Variants in CLDN1 observed in about 807,000 individuals in gnomAD.
CLDN1 encodes claudin 1, also known as claudin-1.
CLDN1 carries 12 observed loss-of-function variants against 22.6 expected under a neutral mutation model. That is an observed-to-expected ratio of 0.53 (90% confidence interval 0.34 to 0.86). The LOEUF is 0.86. CLDN1 is among the 40% of genes least tolerant of loss of function. The pLI is 0.02. For missense variants in CLDN1, 250 were observed against 269.5 expected (o/e 0.93, Z 0.51); for synonymous variants, 99 against 103.8 (o/e 0.95, Z 0.28).
chr3:190,313,020 G>C lies in CLDN1; in HGVS notation c.240C>G (p.Thr80=), dbSNP rs1481803785. 1 of 1,613,982 alleles carries C rather than the reference G, an allele frequency of 6.2e-7. No homozygotes were observed. The highest frequency in any genetic ancestry group is 8.5e-7 in the Non-Finnish European group (1 of 1,180,016). Residue 80 remains threonine (T), a synonymous_variant, in exon 2 of 4, where the codon ACC becomes ACG. Transcript: ENST00000295522. ...LLNLSSTLQA[T]RALMVVGILL... is the part of the protein sequence containing the mutation. ...GGATGCCAACCACCATCAAGGCACG[G>C]GTTGCTTGCAATGTGCCTGGCAGAA...
chr3:190,312,090 C>A (rs1475252234), intron 2 of CLDN1, among the ~76,000 whole-genome samples: 2 of 151,590 alleles, frequency 1.3e-5, no homozygotes, highest in African/African-American at 2.4e-5. Flanking sequence ...ACCACCACAC[C>A]CAGCTAATTT....
At chr3:190,319,593 G>A (rs373731785) in intron 1 of CLDN1, among the ~76,000 whole-genome samples, 11 of 152,072 alleles carry the variant, frequency 7.2e-5, no homozygotes, top group African/African-American at 2.2e-4. Context: ...AATACTTCCC[G>A]TGCTAAAGCC....
rs912977616 is a variant in CLDN1, at chr3:190,306,240, A to G, written c.*2037T>C. 1 of 152,162 alleles carries G rather than the reference A, an allele frequency of 6.6e-6. No individual in the cohort carries two copies. The highest frequency in any genetic ancestry group is 6.6e-5 in the Admixed American group (1 of 15,266). 9.4% of individuals were successfully genotyped at this position (152,162 alleles called of 1,614,324 possible). The stretch of plus-strand genomic sequence containing the variant: ...AACACGTAGGCTTTTATTTCTTCCC[A>G]TTACATCTGTTTAGCCACAGAAAGC... On this transcript the variant is annotated 3_prime_UTR_variant, in exon 4 of 4. Transcript: ENST00000295522.
chr3:190,310,037 TAA>T, intron 3 of CLDN1, 130 bp downstream of exon 3: 1 of 751,614 alleles, frequency 1.3e-6, no homozygotes, highest in Non-Finnish European at 2.3e-6. Context: ...AGAGATCATT[TAA>T]ATTGTTTGTA....
intron 3 of CLDN1, among the ~76,000 whole-genome samples, chr3:190,308,676 T>G (rs1716528092): frequency 6.6e-6 from 1 of 152,174 alleles, no homozygotes; most frequent in African/African-American, 2.4e-5. Context: ...CCAGGTTAAT[T>G]ACACAAATAA....
chr3:190,315,396 A>T (rs112253426), intron 1 of CLDN1, among the ~76,000 whole-genome samples: 151 of 152,266 alleles, frequency 9.9e-4, no homozygotes, highest in African/African-American at 3.3e-3. Context: ...GTGCAAAGTA[A>T]AACGAAGTTT....
At chr3:190,313,837 T>C (rs1716691918) in intron 1 of CLDN1, among the ~76,000 whole-genome samples, 1 of 152,182 alleles carries the variant, frequency 6.6e-6, no homozygotes, top group African/African-American at 2.4e-5. Context: ...CATGATCAAA[T>C]AAACAGGGTC....
At chr3:190,321,182 T>G (rs79345408) in intron 1 of CLDN1, among the ~76,000 whole-genome samples, 19,756 of 152,216 alleles carry the variant, frequency 0.13, 1,397 homozygotes, top group Middle Eastern at 0.22. Flanking sequence ...CTATGACTAT[T>G]TTGCTGCATT....
In CLDN1 at chr3:190,308,370, T is replaced by C; in HGVS notation, c.543A>G (p.Leu181=). The C allele has an allele frequency of 6.2e-7, 1 of 1,613,780 alleles. No homozygotes were observed. Among genetic ancestry groups the C allele is most frequent in the Non-Finnish European group, 8.5e-7 (1 of 1,179,870 alleles). Residue 181 remains leucine (L), a synonymous_variant, in exon 4 of 4, where the codon CTA becomes CTG. Coordinates refer to ENST00000295522, the MANE Select transcript of CLDN1 (RefSeq NM_021101.5). The stretch of plus-strand genomic sequence containing the variant: ...TTTTTCGGGGACAGGAACAGCAAAG[T>C]AGGGCACCTCCCAGAAGGCAGAGAG... ...AASLCLLGGA[L]LCCSCPRKTT...
chr3:190,313,094 G>T (rs1461403409), intron 1 of CLDN1, 58 bp from the exon 2 acceptor site: 2 of 1,590,384 alleles, frequency 1.3e-6, no homozygotes, highest in Non-Finnish European at 1.7e-6. Context: ...AGAGAAAAAT[G>T]GAAGAAGACC....
At position 190,322,002 on chromosome 3, in the gene CLDN1, A is replaced by T; in HGVS notation, c.205T>A (p.Ser69Thr). 6.2e-7 allele frequency: 1 copy of T among 1,614,162 alleles called. No individual in the cohort carries two copies. Among genetic ancestry groups the T allele is most frequent in the Non-Finnish European group, 8.5e-7 (1 of 1,180,020 alleles). Residue 69 changes from serine to threonine, a missense_variant, in exon 1 of 4, where the codon TCC (serine) becomes ACC (threonine). Ser to Thr is a moderately conservative substitution (Grantham distance 58). Transcript: ENST00000295522. ...TGQIQCKVFD[S>T]LLNLSSTLQA... ...CACTCACTGCTCAGATTCAGCAAGG[A>T]GTCAAAGACTTTGCACTGGATCTGC...
At chr3:190,308,528 G>T in intron 3 of CLDN1, 89 bp from the exon 4 acceptor site, 1 of 1,257,670 alleles carries the variant, frequency 8.0e-7, no homozygotes, top group Non-Finnish European at 1.1e-6. Context: ...AATACTCATT[G>T]TATTTTTTTC....
chr3:190,313,194 T>C (rs1455104051), intron 1 of CLDN1, 158 bp from the exon 2 acceptor site: 2 of 717,794 alleles, frequency 2.8e-6, no homozygotes, highest in Non-Finnish European at 4.6e-6. Flanking sequence ...GGTAACCCAA[T>C]ATACAGTATC....
intron 2 of CLDN1, among the ~76,000 whole-genome samples, chr3:190,311,592 A>T (rs961655428): frequency 6.6e-6 from 1 of 151,482 alleles, no homozygotes; most frequent in African/African-American, 2.4e-5. Flanking sequence ...ATCATTAATT[A>T]TATCTGTTAT....
chr3:190,318,156 C>T (rs1364606832), intron 1 of CLDN1, among the ~76,000 whole-genome samples: 1 of 152,142 alleles, frequency 6.6e-6, no homozygotes, highest in Non-Finnish European at 1.5e-5. Context: ...CAGATGTGAA[C>T]TCAGAACATA....
In CLDN1 at chr3:190,308,452, A is replaced by G. The variant is rs767200165; in HGVS notation, c.474-13T>C. On this transcript the variant is annotated splice_polypyrimidine_tract_variant and intron_variant, in intron 3 of 3. Coordinates refer to ENST00000295522, the MANE Select transcript of CLDN1 (RefSeq NM_021101.5). ...ACCAAATTCGTACCTAAAAGGAAAA[A>G]CCCATGTGCTTGTTAATCAGTGAAT... 9.3e-6 allele frequency: 15 copies of G among 1,612,998 alleles called. No individual in the cohort carries two copies. The Admixed American group carries it at 2.3e-4, about 25-fold the overall frequency.
Position 190,322,280 on chromosome 3 carries a change from G to A in CLDN1, c.-74C>T, listed in dbSNP as rs758449874. On this transcript the variant is annotated 5_prime_UTR_variant, in exon 1 of 4. Coordinates refer to ENST00000295522, the MANE Select transcript of CLDN1 (RefSeq NM_021101.5). ...CGGAGAGTTTGCAGGTGGGCAACCC[G>A]GACTCCCGAAGGTGGCTGGGCCCCG... 2.3e-5 allele frequency: 31 copies of A among 1,353,294 alleles called. No homozygotes were observed. Among genetic ancestry groups the A allele is most frequent in the Non-Finnish European group, 3.0e-5 (29 of 959,192 alleles). 83.8% of individuals were successfully genotyped at this position (1,353,294 alleles called of 1,614,324 possible).
intron 1 of CLDN1, chr3:190,313,334 C>T: frequency 5.1e-6 from 2 of 390,518 alleles, no homozygotes; most frequent in Non-Finnish European, 9.5e-6. Flanking sequence ...ATAGGGTTAG[C>T]TGAACTAATA....
At chr3:190,319,145 T>C (rs1560076498) in intron 1 of CLDN1, among the ~76,000 whole-genome samples, 1 of 152,098 alleles carries the variant, frequency 6.6e-6, no homozygotes, top group African/African-American at 2.4e-5. Context: ...TAAAGTCAAG[T>C]AAGAAGAAGC....
Sources: gnomAD v4.1 joint callset for allele counts (sites outside exome capture counted in the v4.1 genomes callset) on GRCh38, gnomAD v4.1.1 for gene constraint, MANE v1.5 for transcripts, NCBI Gene and HGNC (gene_info 2026-07-23, HGNC 2026-07-21) for gene names.